The following CRYBG1 variants were observed in gnomAD, a reference collection of about 807,000 sequenced individuals.
The protein encoded by CRYBG1 is beta/gamma crystallin domain-containing protein 1.
A neutral mutation model predicts 189.2 loss-of-function variants in CRYBG1; 139 were observed. The ratio of observed to expected loss-of-function variants is 0.73; its 90% CI spans 0.64 to 0.85. CRYBG1 has a LOEUF of 0.85. Among genes scored for constraint, CRYBG1 ranks in the 40% least tolerant of loss-of-function variants. The pLI is 0.00. For missense variants in CRYBG1, 2,611 were observed against 2,675.8 expected (o/e 0.98, Z 0.53); for synonymous variants, 1,023 against 1,017.1 (o/e 1.01, Z -0.11).
chr6:106,517,485 C>T (rs199827599), intron 3 of CRYBG1, among the ~76,000 whole-genome samples: 8 of 129,338 alleles, frequency 6.2e-5, no homozygotes, highest in Admixed American at 2.0e-4. Flanking sequence ...TATATATATA[C>T]ACACACACAC....
At chr6:106,371,184 T>C (rs942136496) in intron 1 of CRYBG1, among the ~76,000 whole-genome samples, 17 of 152,360 alleles carry the variant, frequency 1.1e-4, no homozygotes, top group African/African-American at 3.1e-4. Flanking sequence ...ACACGTAATA[T>C]AGTGTATTCA....
Position 106,417,887 on chromosome 6 carries a change from G to A in CRYBG1, c.174-33807G>A, listed in dbSNP as rs573960958. ...CCAGAAGGGATGTTAGTGTGCTAAT[G>A]AGCTCTTTTAGTTCCCCCGTCCACA... On this transcript the variant is annotated intron_variant, in intron 1 of 21. Transcript: ENST00000633556. Among the ~76,000 whole-genome samples the A allele has an allele frequency of 5.3e-5, 8 of 152,378 alleles. No individual in the cohort carries two copies. In the South Asian group the frequency reaches 1.7e-3, roughly 32 times the overall value.
In CRYBG1 at chr6:106,463,213, CG is replaced by C. The variant is rs1210059140; in HGVS notation, c.312+11382del. On this transcript the variant is annotated intron_variant, in intron 2 of 21. Transcript: ENST00000633556. Reference sequence around the variant, plus strand: ...ATTAAATCTTCTGTCCTGTGCTATTCGTACAAATAAACCTGAGGCAGGAAAG... The same window carrying C: ...ATTAAATCTTCTGTCCTGTGCTATTCTACAAATAAACCTGAGGCAGGAAAG... 4.0e-5 allele frequency among the ~76,000 whole-genome samples: 6 copies of C among 148,216 alleles called. No homozygotes were observed. The East Asian group carries it at 1.2e-3, about 31-fold the overall frequency.
At chr6:106,530,109 A>C in intron 7 of CRYBG1, 67 bp from the exon 8 acceptor site, 1 of 1,362,546 alleles carries the variant, frequency 7.3e-7, no homozygotes, top group Non-Finnish European at 9.9e-7. Context: ...GAAGAAGAAG[A>C]ATGAGCTTAC....
chr6:106,480,061 T>G (rs905568322), intron 2 of CRYBG1, among the ~76,000 whole-genome samples: 1 of 152,224 alleles, frequency 6.6e-6, no homozygotes, highest in Non-Finnish European at 1.5e-5. Context: ...TTTAGGTCTC[T>G]GATCCATTTT....
In CRYBG1 at chr6:106,451,797, G is replaced by A; in HGVS notation, c.277G>A (p.Gly93Ser). ...QFFHTTSEAL[G>S]SLLLESGIFK... ...CTTCCACACCACCAGTGAGGCGCTT[G>A]GTTCCTTACTTCTAGAGTCTGGAAT... Residue 93 changes from glycine to serine, a missense_variant, in exon 2 of 22, where the codon GGT becomes AGT. Gly to Ser is a moderately conservative substitution (Grantham distance 56). Around this residue, in one of 3 missense-constraint regions of CRYBG1, gnomAD observed 985 missense variants for 924.4 expected, o/e 1.07. Coordinates refer to ENST00000633556, the MANE Select transcript of CRYBG1 (RefSeq NM_001371242.2). 6.5e-7 allele frequency: 1 copy of A among 1,534,932 alleles called. No individual in the cohort carries two copies. Among genetic ancestry groups the A allele is most frequent in the South Asian group, 1.2e-5 (1 of 84,024 alleles).
In CRYBG1 at chr6:106,519,708, A is replaced by G; in HGVS notation, c.2500A>G (p.Thr834Ala). 6.2e-7 allele frequency: 1 copy of G among 1,614,180 alleles called. No individual in the cohort carries two copies. The highest frequency in any genetic ancestry group is 8.5e-7 in the Non-Finnish European group (1 of 1,180,026). The change falls in exon 4 of 22, where the codon ACA becomes GCA. Residue 834 changes from threonine to alanine, a missense_variant. By Grantham distance (58) the Thr-to-Ala change is moderately conservative. Transcript: ENST00000633556. ...CCTTGTACTTGAAAATGTAACCGAT[A>G]CAGCACAAGACATCCCCACCACTGT... is the stretch of plus-strand genomic sequence containing the variant. ...KSLVLENVTD[T>A]AQDIPTTVDT...
chr6:106,546,985 G>A (rs1381924586), intron 13 of CRYBG1, among the ~76,000 whole-genome samples: 1 of 152,172 alleles, frequency 6.6e-6, no homozygotes, highest in Admixed American at 6.5e-5. Flanking sequence ...TAGAATTATT[G>A]TGCCTTGAGC....
At chr6:106,396,073 G>A (rs1205649989) in intron 1 of CRYBG1, among the ~76,000 whole-genome samples, 1 of 152,078 alleles carries the variant, frequency 6.6e-6, no homozygotes, top group Non-Finnish European at 1.5e-5. Flanking sequence ...TGAAGTCCTA[G>A]TCCCTAGATA....
intron 1 of CRYBG1, among the ~76,000 whole-genome samples, chr6:106,427,864 T>A (rs761909973): frequency 3.9e-5 from 6 of 152,100 alleles, no homozygotes; most frequent in Non-Finnish European, 7.4e-5. Context: ...CTCTTGCAGC[T>A]CTCCCAGGCA....
At chr6:106,428,744 A>T (rs1276606861) in intron 1 of CRYBG1, among the ~76,000 whole-genome samples, 1 of 152,192 alleles carries the variant, frequency 6.6e-6, no homozygotes, top group South Asian at 2.1e-4. Context: ...GAACACAAAG[A>T]AAATATTTGG....
chr6:106,562,747 A>G (rs1266236510), intron 20 of CRYBG1, among the ~76,000 whole-genome samples: 1 of 152,228 alleles, frequency 6.6e-6, no homozygotes, highest in African/African-American at 2.4e-5. Context: ...TTGGCCTCCC[A>G]AAGTGCTGGG....
intron 1 of CRYBG1, among the ~76,000 whole-genome samples, chr6:106,388,410 C>G (rs1483400172): frequency 6.6e-6 from 1 of 152,098 alleles, no homozygotes; most frequent in African/African-American, 2.4e-5. Context: ...CCTCCCTCTA[C>G]CCCCAGCCCA....
At chr6:106,567,252 G>A (rs556215869) in intron 21 of CRYBG1, among the ~76,000 whole-genome samples, 12 of 152,088 alleles carry the variant, frequency 7.9e-5, no homozygotes, top group African/African-American at 2.2e-4. Flanking sequence ...TCTCTGTCTC[G>A]GCAGAGTGTA....
At chr6:106,532,980 T>C (rs6908538) in intron 8 of CRYBG1, among the ~76,000 whole-genome samples, 103,842 of 152,038 alleles carry the variant, frequency 0.68, 36,192 homozygotes, top group South Asian at 0.84. Context: ...TTCTAGTCAC[T>C]GGGAATACAG....
chr6:106,494,111 A>G (rs969564469), intron 2 of CRYBG1, among the ~76,000 whole-genome samples: 7 of 152,204 alleles, frequency 4.6e-5, no homozygotes, highest in Non-Finnish European at 2.9e-5. Flanking sequence ...ATTATGCTAT[A>G]TGAAAGAAGC....
chr6:106,562,720 C>T (rs895832697), intron 20 of CRYBG1, among the ~76,000 whole-genome samples: 6 of 152,234 alleles, frequency 3.9e-5, no homozygotes, highest in Non-Finnish European at 8.8e-5. Flanking sequence ...ATCTCCTGAC[C>T]TCGTGATCCA....
chr6:106,425,742 C>A (rs1771213160), intron 1 of CRYBG1, among the ~76,000 whole-genome samples: 1 of 152,182 alleles, frequency 6.6e-6, no homozygotes, highest in Admixed American at 6.5e-5. Flanking sequence ...AGCAATTCTC[C>A]TGCCTCAGCC....
At chr6:106,412,574 T>C (rs1180616783) in intron 1 of CRYBG1, among the ~76,000 whole-genome samples, 1 of 152,104 alleles carries the variant, frequency 6.6e-6, no homozygotes, top group African/African-American at 2.4e-5. Context: ...TACTGAAGGG[T>C]GGTGTGCTTG....
Sources: gnomAD v4.1 joint callset for allele counts (sites outside exome capture counted in the v4.1 genomes callset) on GRCh38, gnomAD v4.1.1 for gene constraint, gnomAD v4.1.1 regional missense constraint, MANE v1.5 for transcripts, NCBI Gene and HGNC (gene_info 2026-07-23, HGNC 2026-07-21) for gene names.